CACNA1C: variants seen among roughly 807,000 people sequenced by gnomAD.
CACNA1C encodes the protein calcium voltage-gated channel subunit alpha1 C, also known as voltage-dependent L-type calcium channel subunit alpha-1C.
CACNA1C carries 30 observed loss-of-function variants against 229.0 expected under a neutral mutation model. The observed-to-expected ratio is 0.13, with a 90% CI of 0.10 to 0.18. The LOEUF is 0.18. Ranked by LOEUF, CACNA1C falls within the 10% of genes least tolerant of loss-of-function variation. The pLI is 1.00. For synonymous variants in CACNA1C, 1,114 were observed against 1,132.5 expected (o/e 0.98, Z 0.33); for missense variants, 1,658 against 2,845.0 (o/e 0.58, Z 9.49).
At chr12:2,396,485 G>A (rs933347949) in intron 3 of CACNA1C, among the ~76,000 whole-genome samples, 6 of 150,884 alleles carry the variant, frequency 4.0e-5, no homozygotes, top group African/African-American at 7.4e-5. Context: ...GGCTTAACTC[G>A]GTCTGTGGCC....
intron 29 of CACNA1C, among the ~76,000 whole-genome samples, chr12:2,625,831 A>G (rs1174088373): frequency 6.6e-6 from 1 of 152,120 alleles, no homozygotes; most frequent in Non-Finnish European, 1.5e-5. Flanking sequence ...AGTGGCACAC[A>G]CCTGTAGTCC....
chr12:1,982,905 T>C (rs368688721), intron 1 of CACNA1C, among the ~76,000 whole-genome samples: 2 of 152,158 alleles, frequency 1.3e-5, no homozygotes, highest in Non-Finnish European at 2.9e-5. Context: ...AGTTAAACTA[T>C]CTGAACTTGG....
intron 43 of CACNA1C, among the ~76,000 whole-genome samples, chr12:2,683,492 T>A (rs572266089): frequency 6.6e-6 from 1 of 152,322 alleles, no homozygotes; most frequent in East Asian, 1.9e-4. Context: ...TGTTACTGTA[T>A]ACATGACTCA....
At chr12:2,350,496 A>G (rs2097173720) in intron 3 of CACNA1C, among the ~76,000 whole-genome samples, 1 of 152,182 alleles carries the variant, frequency 6.6e-6, no homozygotes, top group South Asian at 2.1e-4. Flanking sequence ...TTCATCTCTA[A>G]GCCTTTTAAG....
chr12:2,341,000 G>C (rs111762737), intron 3 of CACNA1C, among the ~76,000 whole-genome samples: 3 of 152,152 alleles, frequency 2.0e-5, no homozygotes, highest in African/African-American at 7.2e-5. Context: ...GAAATACAGC[G>C]ATACGGCAGT....
intron 3 of CACNA1C, among the ~76,000 whole-genome samples, chr12:2,245,111 G>T (rs1385551697): frequency 6.6e-6 from 1 of 152,210 alleles, no homozygotes; most frequent in Non-Finnish European, 1.5e-5. Flanking sequence ...AAACAGCATG[G>T]CCATGTGGAG....
intron 5 of CACNA1C, among the ~76,000 whole-genome samples, chr12:2,470,358 A>G (rs1391423455): frequency 6.6e-6 from 1 of 152,222 alleles, no homozygotes; most frequent in Non-Finnish European, 1.5e-5. Context: ...AATGGCAATA[A>G]TAAAGGCCAC....
intron 3 of CACNA1C, among the ~76,000 whole-genome samples, chr12:2,193,999 A>G (rs563223182): frequency 1.3e-5 from 2 of 152,124 alleles, no homozygotes; most frequent in African/African-American, 4.8e-5. Context: ...CTCAGTGTTT[A>G]TTCCTGACCC....
chr12:2,014,441 ATATT>A (rs1298686151), intron 1 of CACNA1C, among the ~76,000 whole-genome samples: 2 of 152,222 alleles, frequency 1.3e-5, no homozygotes, highest in Non-Finnish European at 2.9e-5. Context: ...CATTCAATGA[ATATT>A]TATGAAGCTC....
At chr12:2,565,710 G>A (rs2050478260) in intron 11 of CACNA1C, among the ~76,000 whole-genome samples, 3 of 152,196 alleles carry the variant, frequency 2.0e-5, no homozygotes, top group Admixed American at 2.0e-4. Context: ...GTAAAGGTGT[G>A]TGTGTGGGCA....
In CACNA1C at chr12:2,348,198, G is replaced by A. The variant is rs540583183; in HGVS notation, c.478-100778G>A. On this transcript the variant is annotated intron_variant, in intron 3 of 46. Transcript: ENST00000399655. This position sits in a 1 kb window ranked among gnomAD's most constrained non-coding sequence, Gnocchi z 4.7. Reference sequence around the variant, plus strand: ...GCCCCAGCCGGAGGAGCTGGGCAGTGCAGCGAGGCGCCAGCTGTGCCTGAC... The same window carrying A: ...GCCCCAGCCGGAGGAGCTGGGCAGTACAGCGAGGCGCCAGCTGTGCCTGAC... 6.6e-5 allele frequency among the ~76,000 whole-genome samples: 10 copies of A among 152,326 alleles called. No individual in the cohort carries two copies. Among genetic ancestry groups the A allele is most frequent in the Non-Finnish European group, 1.2e-4 (8 of 68,024 alleles).
chr12:2,021,442 G>A (rs1162705891), intron 1 of CACNA1C, among the ~76,000 whole-genome samples: 3 of 152,272 alleles, frequency 2.0e-5, no homozygotes, highest in East Asian at 3.9e-4. Context: ...ACTTTGGGGG[G>A]CTGAGGTGGG....
chr12:2,565,632 A>T (rs1197766409), intron 11 of CACNA1C, among the ~76,000 whole-genome samples: 2 of 152,214 alleles, frequency 1.3e-5, no homozygotes, highest in Non-Finnish European at 2.9e-5. Flanking sequence ...TCCTAAACCA[A>T]GATACGGGGA....
rs146920781 is a variant in CACNA1C, at chr12:2,479,930, T to C, written c.758-6174T>C. ...GGTCGCTGAGAAGTTGTGGTTAAGATTGCCCCAGTAAAGCCAGCAGAGTAG... is the reference window on the plus strand; with the variant it reads ...GGTCGCTGAGAAGTTGTGGTTAAGACTGCCCCAGTAAAGCCAGCAGAGTAG... On this transcript the variant is annotated intron_variant, in intron 5 of 46. Transcript: ENST00000399655. The surrounding 1 kb of genome is among the most constrained non-coding windows in gnomAD (Gnocchi z 4.3). 1.6e-3 allele frequency among the ~76,000 whole-genome samples: 247 copies of C among 152,270 alleles called. 2 individuals carry two copies. Among genetic ancestry groups the C allele is most frequent in the African/African-American group, 5.6e-3 (234 of 41,570 alleles).
At chr12:2,565,451 G>A (rs1287424915) in intron 11 of CACNA1C, among the ~76,000 whole-genome samples, 2 of 147,592 alleles carry the variant, frequency 1.4e-5, no homozygotes, top group African/African-American at 2.5e-5. Context: ...TCCGGCCTGG[G>A]CGACAGAGCG....
At chr12:2,107,922 G>A (rs1166716339) in intron 1 of CACNA1C, among the ~76,000 whole-genome samples, 1 of 152,166 alleles carries the variant, frequency 6.6e-6, no homozygotes, top group Admixed American at 6.5e-5. Context: ...CACAACCTGT[G>A]TTGCCCAGTG....
At chr12:1,990,487 G>C (rs2039087506) in intron 1 of CACNA1C, among the ~76,000 whole-genome samples, 1 of 151,890 alleles carries the variant, frequency 6.6e-6, no homozygotes, top group Middle Eastern at 3.2e-3. Context: ...AGAGAGTTTG[G>C]GATTTTCATT....
intron 1 of CACNA1C, among the ~76,000 whole-genome samples, chr12:1,974,268 T>C (rs573589613): frequency 2.5e-4 from 38 of 152,314 alleles, no homozygotes; most frequent in Non-Finnish European, 4.1e-4. Flanking sequence ...CTCTATCAAT[T>C]GATTACACCT....
At chr12:2,172,685 AT>A in intron 3 of CACNA1C, among the ~76,000 whole-genome samples, 1 of 152,336 alleles carries the variant, frequency 6.6e-6, no homozygotes, top group African/African-American at 2.4e-5. Flanking sequence ...TTTCCTGGCA[AT>A]AAGCCAGAAT....
Sources: allele counts gnomAD v4.1 joint callset (sites outside exome capture counted in the v4.1 genomes callset), GRCh38; gene constraint gnomAD v4.1.1; non-coding constraint Gnocchi (gnomAD v3.1); transcripts MANE v1.5; gene names NCBI Gene and HGNC (gene_info 2026-07-23, HGNC 2026-07-21).